The following CCDC57 variants were observed in gnomAD, a reference collection of about 807,000 sequenced individuals.
The protein encoded by CCDC57 is coiled-coil domain containing 57.
CCDC57 carries 118 observed loss-of-function variants against 118.9 expected under a neutral mutation model. The observed-to-expected ratio is 0.99, with a 90% CI of 0.86 to 1.16. The LOEUF (loss-of-function observed/expected upper bound fraction) is 1.16, where lower values mean the gene tolerates loss of function less well. Ranked by LOEUF, CCDC57 falls within the 50% of genes most tolerant of loss-of-function variation. CCDC57 has a pLI of 0.00. For synonymous variants in CCDC57, 527 were observed against 532.9 expected (o/e 0.99, Z 0.15); for missense variants, 1,300 against 1,320.7 (o/e 0.98, Z 0.24).
rs924033476 is a variant in CCDC57, at chr17:82,127,603, A to G, written c.2899+89T>C. 1.2e-5 allele frequency: 18 copies of G among 1,483,696 alleles called. No homozygotes were observed. The African/African-American group carries it at 2.6e-4, about 21-fold the overall frequency. 91.9% of individuals were successfully genotyped at this position (1,483,696 alleles called of 1,614,324 possible). A position where few individuals can be genotyped will look rare whatever the true frequency, so the allele number is the denominator to read the frequency against. ...GGATTTCAGGGTGCAGGAGGCACGC[A>G]GGGTGCTGACTCTCCACATGCCCCT... On this transcript the variant is annotated intron_variant, in intron 19 of 19. Transcript: ENST00000665763.
chr17:82,183,836 C>T (rs372632712), exon 9 of CCDC57: 69 of 1,609,068 alleles, frequency 4.3e-5, no homozygotes, highest in Middle Eastern at 1.6e-4. Context: ...CTTCCTGCAG[C>T]GTCTGAATCT....
At chr17:82,176,424 C>G (rs2045500711) in intron 11 of CCDC57, among the ~76,000 whole-genome samples, 1 of 152,244 alleles carries the variant, frequency 6.6e-6, no homozygotes, top group Non-Finnish European at 1.5e-5. Flanking sequence ...TCCCTTACCT[C>G]AAGTAGCGGA....
intron 14 of CCDC57, among the ~76,000 whole-genome samples, chr17:82,158,484 G>C (rs766602366): frequency 1.3e-5 from 2 of 151,934 alleles, no homozygotes; most frequent in East Asian, 3.9e-4. Flanking sequence ...TCAGGAGATC[G>C]AGACCATCCT....
intron 2 of CCDC57, among the ~76,000 whole-genome samples, chr17:82,207,355 A>G (rs973931037): frequency 6.6e-6 from 1 of 152,072 alleles, no homozygotes; most frequent in Non-Finnish European, 1.5e-5. Flanking sequence ...AAAAAAACAA[A>G]AAAGAAATTA....
At chr17:82,164,577 A>T (rs992519785) in intron 13 of CCDC57, among the ~76,000 whole-genome samples, 1 of 152,198 alleles carries the variant, frequency 6.6e-6, no homozygotes, top group Non-Finnish European at 1.5e-5. Flanking sequence ...GCAAATGACC[A>T]ATATAATTAA....
At chr17:82,178,927 C>T in intron 10 of CCDC57, 100 bp downstream of exon 9, 1 of 1,358,244 alleles carries the variant, frequency 7.4e-7, no homozygotes. Context: ...TTAGTGTTTT[C>T]AAATTTAAAG....
intron 3 of CCDC57, among the ~76,000 whole-genome samples, chr17:82,201,271 C>T (rs1434227528): frequency 6.6e-6 from 1 of 152,074 alleles, no homozygotes. Flanking sequence ...ATATTAAAAC[C>T]AATCTCCATT....
At chr17:82,155,063 G>C (rs1007186650) in intron 15 of CCDC57, 5 of 152,296 alleles carry the variant, frequency 3.3e-5, no homozygotes, top group African/African-American at 1.2e-4. Context: ...GCGCGAGTCT[G>C]TGCCGTCTCA....
At chr17:82,202,673 C>T (rs894613855) in intron 2 of CCDC57, among the ~76,000 whole-genome samples, 2 of 152,082 alleles carry the variant, frequency 1.3e-5, no homozygotes, top group African/African-American at 4.8e-5. Flanking sequence ...TCACTTGAAC[C>T]CAGGAAGTGG....
Position 82,201,584 on chromosome 17 carries a change from G to A in CCDC57, c.361C>T (p.Gln121Ter). 6.2e-7 allele frequency: 1 copy of A among 1,612,066 alleles called. No homozygotes were observed. Among genetic ancestry groups the A allele is most frequent in the Non-Finnish European group, 8.5e-7 (1 of 1,179,608 alleles). Residue 121 changes from glutamine (Q) to a stop codon, truncating the protein, a stop_gained, in exon 3 of 20, where the codon CAG becomes TAG. Transcript: ENST00000665763. LOFTEE classifies it high-confidence loss of function. ...AGGCGATGCTCCTGGAATGCCAGCT[G>A]CTGCTGCTGCTGCAGCTCCTCCACC... is the stretch of plus-strand genomic sequence containing the variant.
chr17:82,187,202 A>C (rs990052952), intron 8 of CCDC57, among the ~76,000 whole-genome samples: 2 of 142,410 alleles, frequency 1.4e-5, no homozygotes, highest in Non-Finnish European at 3.0e-5. Flanking sequence ...GCACCACTGC[A>C]CTCCAGCCTC....
intron 1 of CCDC57, among the ~76,000 whole-genome samples, chr17:82,209,753 G>GT (rs1023938176): frequency 2.6e-5 from 4 of 152,106 alleles, no homozygotes; most frequent in African/African-American, 9.7e-5. Context: ...TCCCAAAGTG[G>GT]TGGGACTACA....
chr17:82,161,510 G>A lies in CCDC57; in HGVS notation c.2040+1690C>T, dbSNP rs567985790. On this transcript the variant is annotated intron_variant, in intron 14 of 19. Transcript: ENST00000665763. ...AAACAGCGGAAACAACCCAAATGTTGAGTGCATGAATGATAAACAAAATGT... is the reference window on the plus strand; with the variant it reads ...AAACAGCGGAAACAACCCAAATGTTAAGTGCATGAATGATAAACAAAATGT... 4.1e-4 allele frequency among the ~76,000 whole-genome samples: 62 copies of A among 152,276 alleles called. 1 individual carries two copies. In the South Asian group the frequency reaches 0.012, roughly 29 times the overall value.
chr17:82,119,283 G>T (rs2036347334), intron 19 of CCDC57, among the ~76,000 whole-genome samples: 1 of 151,972 alleles, frequency 6.6e-6, no homozygotes, highest in Non-Finnish European at 1.5e-5. Flanking sequence ...ATAATGCTTG[G>T]TAGTTTCTCT....
chr17:82,142,438 G>A (rs1471419349), intron 16 of CCDC57, among the ~76,000 whole-genome samples: 4 of 151,854 alleles, frequency 2.6e-5, no homozygotes, highest in African/African-American at 9.7e-5. Context: ...TCAGCCTCCC[G>A]AGTAGCTGGG....
At chr17:82,106,991 C>T (rs1256058206) in intron 19 of CCDC57, among the ~76,000 whole-genome samples, 3 of 152,312 alleles carry the variant, frequency 2.0e-5, no homozygotes, top group Non-Finnish European at 2.9e-5. Context: ...CTGCCACTCA[C>T]TTTGCCTGAG....
intron 19 of CCDC57, among the ~76,000 whole-genome samples, chr17:82,103,680 T>A (rs931617466): frequency 3.3e-5 from 5 of 152,202 alleles, no homozygotes; most frequent in Admixed American, 3.3e-4. Flanking sequence ...AGACAAAGCC[T>A]GTGGGGATTT....
rs115981408 is a variant in CCDC57, at chr17:82,149,374, T to A, written c.2455+2186A>T. Among the ~76,000 whole-genome samples, 819 of 152,052 alleles carry A rather than the reference T, an allele frequency of 5.4e-3. 6 individuals are homozygous for A. Among genetic ancestry groups the A allele is most frequent in the African/African-American group, 0.019 (775 of 41,410 alleles). ...GATGACTCACTGAAACACTCAGTCATAAAGCCAGTGCCCCTTGCCTTTCTT... is the reference window on the plus strand; with the variant it reads ...GATGACTCACTGAAACACTCAGTCAAAAAGCCAGTGCCCCTTGCCTTTCTT... On this transcript the variant is annotated intron_variant, in intron 16 of 19. Coordinates refer to ENST00000665763, the Ensembl canonical transcript of CCDC57.
chr17:82,135,557 C>G (rs7502676), intron 16 of CCDC57, among the ~76,000 whole-genome samples: 72,505 of 151,974 alleles, frequency 0.48, 18,090 homozygotes, highest in East Asian at 0.88. Context: ...GTTTCTTCTA[C>G]GCAATAAAAG....
Sources: allele counts gnomAD v4.1 joint callset (sites outside exome capture counted in the v4.1 genomes callset), GRCh38; gene constraint gnomAD v4.1.1; transcripts MANE v1.5; gene names NCBI Gene and HGNC (gene_info 2026-07-23, HGNC 2026-07-21).